ELL: variants seen among roughly 807,000 people sequenced by gnomAD.
ELL encodes the protein RNA polymerase II elongation factor ELL.
Under a neutral mutation model 64.0 loss-of-function variants are expected in ELL, and 18 were observed. The ratio of observed to expected loss-of-function variants is 0.28; its 90% CI spans 0.19 to 0.42. ELL has a LOEUF of 0.42. ELL is among the 10% of genes least tolerant of loss of function. ELL has a pLI of 1.00. For missense variants in ELL, 797 were observed against 870.4 expected, an observed-to-expected ratio of 0.92 and a Z score of 1.06; for synonymous variants, 399 against 376.2, an observed-to-expected ratio of 1.06 and a Z score of -0.70.
At chr19:18,473,191 T>C (rs747055762) in intron 1 of ELL, 2 of 633,486 alleles carry the variant, frequency 3.2e-6, no homozygotes, top group South Asian at 3.0e-5. Flanking sequence ...TGTGCCATCC[T>C]TGGAAAGCCA....
At chr19:18,462,393 G>A (rs1974848620) in intron 4 of ELL, among the ~76,000 whole-genome samples, 1 of 124,574 alleles carries the variant, frequency 8.0e-6, no homozygotes, top group African/African-American at 3.3e-5. Flanking sequence ...GGGAAGGATT[G>A]TTTTGTTTTT....
chr19:18,479,093 A>AAGTGTG (rs1975237363), intron 1 of ELL, among the ~76,000 whole-genome samples: 2 of 152,222 alleles, frequency 1.3e-5, no homozygotes, highest in Admixed American at 6.5e-5. Context: ...CCGAGTGACC[A>AAGTGTG]GTTTACAGGA....
intron 1 of ELL, among the ~76,000 whole-genome samples, chr19:18,483,438 G>T (rs542848984): frequency 6.6e-6 from 1 of 152,160 alleles, no homozygotes; most frequent in African/African-American, 2.4e-5. Context: ...AGCTGGGGGT[G>T]GGGGAGCTGC....
At chr19:18,498,495 C>T (rs112453434) in intron 1 of ELL, among the ~76,000 whole-genome samples, 10 of 152,306 alleles carry the variant, frequency 6.6e-5, no homozygotes, top group African/African-American at 1.9e-4. Context: ...CAGTACCATC[C>T]AAACTCCTGG....
Position 18,465,470 on chromosome 19 carries a change from C to T in ELL, c.411G>A (p.Ala137=), listed in dbSNP as rs763670266. ...YQKARQSMAQ[A]EEETRSRSAI... is the part of the protein sequence containing the mutation. ...CACTTCGGCTCCGCGTCTCCTCCTC[C>T]GCCTGGGCCATGCTCTGCCGCGCCT... The change falls in exon 4 of 12, where the codon GCG becomes GCA. Residue 137 remains alanine, a synonymous_variant. Transcript: ENST00000262809. 4.3e-6 allele frequency: 7 copies of T among 1,612,698 alleles called. No individual in the cohort carries two copies. The highest frequency in any genetic ancestry group is 5.9e-6 in the Non-Finnish European group (7 of 1,179,038).
chr19:18,480,689 C>T lies in ELL; in HGVS notation c.136-7807G>A, dbSNP rs1261684760. On this transcript the variant is annotated intron_variant, in intron 1 of 11. Transcript: ENST00000262809. Reference sequence around the variant, plus strand: ...TCACTCTGTCACCCAGGCTGGAGTGCGGTGGTGTGAACACGGCTCACTGCA... The same window carrying T: ...TCACTCTGTCACCCAGGCTGGAGTGTGGTGGTGTGAACACGGCTCACTGCA... Among the ~76,000 whole-genome samples, 13 of 152,136 alleles carry T rather than the reference C, an allele frequency of 8.5e-5. 1 individual carries two copies. The highest frequency in any genetic ancestry group is 2.1e-4 in the South Asian group (1 of 4,822).
At chr19:18,503,002 G>A (rs1452043731) in intron 1 of ELL, among the ~76,000 whole-genome samples, 2 of 152,236 alleles carry the variant, frequency 1.3e-5, no homozygotes, top group Admixed American at 6.5e-5. Flanking sequence ...GCACAGGGCT[G>A]GGAGGCACTG....
intron 1 of ELL, among the ~76,000 whole-genome samples, chr19:18,491,629 G>A (rs1374298586): frequency 6.6e-6 from 1 of 152,134 alleles, no homozygotes; most frequent in Non-Finnish European, 1.5e-5. Flanking sequence ...TTAAAATAAA[G>A]ATGGACCAGG....
intron 10 of ELL, 44 bp downstream of exon 10, chr19:18,446,265 C>G (rs1216706752): frequency 6.7e-7 from 1 of 1,494,708 alleles, no homozygotes; most frequent in Admixed American, 2.4e-5. Flanking sequence ...TGGGCCCTGG[C>G]TCCCGCCAGA....
chr19:18,479,207 A>G (rs1158354786), intron 1 of ELL, among the ~76,000 whole-genome samples: 1 of 152,128 alleles, frequency 6.6e-6, no homozygotes, highest in African/African-American at 2.4e-5. Flanking sequence ...GGCTCGGGGG[A>G]GGCCAGGGAT....
chr19:18,446,523 C>T, intron 9 of ELL, 43 bp from the exon 10 acceptor site: 2 of 1,585,898 alleles, frequency 1.3e-6, no homozygotes, highest in Non-Finnish European at 8.6e-7. Flanking sequence ...GCTGGAAGGA[C>T]CCAGCCCCAC....
Position 18,461,633 on chromosome 19 carries a change from T to C in ELL, c.689A>G (p.Gln230Arg), listed in dbSNP as rs748515422. 3 of 1,611,186 alleles carry C rather than the reference T, an allele frequency of 1.9e-6. No homozygotes were observed. Among genetic ancestry groups the C allele is most frequent in the African/African-American group, 2.7e-5 (2 of 75,068 alleles). Residue 230 changes from glutamine (Q) to arginine (R), a missense_variant, in exon 5 of 12, where the codon CAG becomes CGG. Gln to Arg is a conservative substitution (Grantham distance 43, BLOSUM62 1). Coordinates refer to ENST00000262809, the MANE Select transcript of ELL (RefSeq NM_006532.4). ...YRKAELLLRLQKDGLTQADKD... is the reference protein window; with the variant it reads ...YRKAELLLRLRKDGLTQADKD... Reference sequence around the variant, plus strand: ...GTCCGCCTGCGTCAGGCCGTCCTTCTGCAGTCGCAGCAGCAGCTCAGCCTT... The same window carrying C: ...GTCCGCCTGCGTCAGGCCGTCCTTCCGCAGTCGCAGCAGCAGCTCAGCCTT...
chr19:18,473,343 C>T (rs967131929), intron 1 of ELL: 11 of 378,228 alleles, frequency 2.9e-5, no homozygotes, highest in Non-Finnish European at 4.3e-5. Flanking sequence ...CAGCCCCCTC[C>T]ACTCTCACAG....
chr19:18,514,909 A>T (rs1031088909), intron 1 of ELL, among the ~76,000 whole-genome samples: 2 of 152,248 alleles, frequency 1.3e-5, no homozygotes, highest in African/African-American at 4.8e-5. Context: ...CTTCGAGCCC[A>T]GGGCTACGTG....
intron 1 of ELL, among the ~76,000 whole-genome samples, chr19:18,479,729 A>AAAAAAG (rs1238810193): frequency 6.6e-6 from 1 of 151,144 alleles, no homozygotes; most frequent in East Asian, 1.9e-4. Context: ...AAAAAAAAAA[A>AAAAAAG]TCTAGGATTG....
rs1276439243 is a variant in ELL, at chr19:18,465,886, T to C, written c.216A>G (p.Ala72=). The C allele has an allele frequency of 1.5e-6, 2 of 1,326,754 alleles. No homozygotes were observed. The highest frequency in any genetic ancestry group is 3.0e-5 in the Admixed American group (1 of 32,858). 82.2% of individuals were successfully genotyped at this position (1,326,754 alleles called of 1,614,324 possible). A position where few individuals can be genotyped will look rare whatever the true frequency, so the allele number is the denominator to read the frequency against. The part of the protein sequence containing the change: ...HISIPQPDCP[A]EARTFSFYLS... The stretch of plus-strand genomic sequence containing the variant: ...GGTAGAAGGAGAACGTCCGCGCCTC[T>C]GCGGGGCAGTCAGGCTGGGGGATGG... Residue 72 remains alanine, a synonymous_variant, in exon 3 of 12, where the codon GCA becomes GCG. Transcript: ENST00000262809.
At chr19:18,500,688 C>T (rs930330690) in intron 1 of ELL, among the ~76,000 whole-genome samples, 2 of 152,122 alleles carry the variant, frequency 1.3e-5, no homozygotes, top group African/African-American at 4.8e-5. Context: ...TGCCAGGCCC[C>T]GGGCAGCATG....
intron 6 of ELL, among the ~76,000 whole-genome samples, chr19:18,455,427 T>A (rs915506905): frequency 1.3e-5 from 2 of 149,818 alleles, no homozygotes; most frequent in African/African-American, 4.9e-5. Flanking sequence ...GAGGCGGAGG[T>A]TGCAGTGAGC....
At chr19:18,458,835 C>T (rs1974740491) in intron 5 of ELL, among the ~76,000 whole-genome samples, 1 of 152,034 alleles carries the variant, frequency 6.6e-6, no homozygotes, top group East Asian at 1.9e-4. Flanking sequence ...CTATGTTGTC[C>T]AGGCTTGTCT....
Sources: allele counts gnomAD v4.1 joint callset (sites outside exome capture counted in the v4.1 genomes callset), GRCh38; gene constraint gnomAD v4.1.1; transcripts MANE v1.5; gene names NCBI Gene and HGNC (gene_info 2026-07-23, HGNC 2026-07-21).